The following SLC22A7 variants were observed in gnomAD, a reference collection of about 807,000 sequenced individuals.
SLC22A7 encodes the protein hOAT2.
SLC22A7 carries 48 observed loss-of-function variants against 62.2 expected under a neutral mutation model. That is an observed-to-expected ratio of 0.77 (90% CI 0.61 to 0.98). The LOEUF (loss-of-function observed/expected upper bound fraction) is 0.98, where lower values mean the gene tolerates loss of function less well. Among genes scored for constraint, SLC22A7 ranks in the 50% least tolerant of loss-of-function variants. The pLI is 0.00. For missense variants in SLC22A7, 581 were observed against 703.8 expected (o/e 0.83, Z 1.97); for synonymous variants, 276 against 314.8 (o/e 0.88, Z 1.30).
intron 5 of SLC22A7, chr6:43,300,282 C>G (rs1335590254): frequency 1.7e-5 from 10 of 602,086 alleles, no homozygotes; most frequent in Non-Finnish European, 2.9e-5. Context: ...GAACAAGATA[C>G]AGAGAGTCAG....
intron 10 of SLC22A7, 64 bp downstream of exon 10, chr6:43,304,308 T>C (rs1778865407): frequency 2.3e-6 from 3 of 1,326,748 alleles, no homozygotes; most frequent in Non-Finnish European, 3.0e-6. Context: ...GGTGCTCAGA[T>C]ACCTGACACC....
Position 43,301,709 on chromosome 6 carries a change from G to A in SLC22A7, c.1061+17G>A. On this transcript the variant is annotated intron_variant, in intron 7 of 10. Coordinates refer to ENST00000372585, the MANE Select transcript of SLC22A7 (RefSeq NM_153320.2). The stretch of plus-strand genomic sequence containing the variant: ...GGTGGTGTGGTGAGGAGGCTGGCTT[G>A]GGTCTGGCATGGGTGTGGTGGGAGG... The A allele has an allele frequency of 6.3e-7, 1 of 1,592,240 alleles. No individual in the cohort carries two copies.
At chr6:43,301,831 G>C (rs965982106) in intron 7 of SLC22A7, 139 bp downstream of exon 7, 1 of 637,054 alleles carries the variant, frequency 1.6e-6, no homozygotes, top group Non-Finnish European at 2.7e-6. Context: ...CTCCATGGGC[G>C]ATCTGCCTGG....
chr6:43,304,703 C>T lies in SLC22A7; in HGVS notation c.1625C>T (p.Pro542Leu), dbSNP rs369685026. Residue 542 changes from proline to leucine, a missense_variant, in exon 11 of 11, where the codon CCC becomes CTC. Transcript: ENST00000372585. Reference protein sequence around the residue: ...APTSLQEEEMPMKQVQN With the variant: ...APTSLQEEEMLMKQVQN ...ACCAGTCTTCAGGAGGAAGAGATGC[C>T]CATGAAGCAGGTCCAGAACTAAGTG... is the stretch of plus-strand genomic sequence containing the variant. The T allele has an allele frequency of 1.9e-5, 31 of 1,595,130 alleles. No individual in the cohort carries two copies. Among genetic ancestry groups the T allele is most frequent in the Non-Finnish European group, 2.7e-5 (31 of 1,167,832 alleles).
chr6:43,301,873 C>T (rs575164428), intron 7 of SLC22A7, among the ~76,000 whole-genome samples, 181 bp downstream of exon 7: 2 of 152,142 alleles, frequency 1.3e-5, no homozygotes, highest in Non-Finnish European at 2.9e-5. Flanking sequence ...GTAGCAGAGA[C>T]ACATGGGTTC....
In SLC22A7 at chr6:43,300,021, TGCTA is replaced by T. The variant is rs1188841982; in HGVS notation, c.786_789del (p.Ala263SerfsTer23). 2.5e-6 allele frequency: 4 copies of T among 1,614,156 alleles called. No individual in the cohort carries two copies. Among genetic ancestry groups the T allele is most frequent in the Non-Finnish European group, 3.4e-6 (4 of 1,180,018 alleles). ...CTGATACGGGACTGGCGATGGCTTC[TGCTA>T]GCTGTCACCCTGCCTTGTGCCCCAG... On this transcript the variant is annotated frameshift_variant, in exon 5 of 11. Transcript: ENST00000372585. LOFTEE classifies it high-confidence loss of function.
upstream of SLC22A7, among the ~76,000 whole-genome samples, chr6:43,296,629 G>A (rs1004719366): frequency 6.6e-6 from 1 of 152,224 alleles, no homozygotes; most frequent in Non-Finnish European, 1.5e-5. Flanking sequence ...TCCACTTGGT[G>A]AATGAGGAGG....
chr6:43,302,138 G>A lies in SLC22A7; in HGVS notation c.1062-62G>A. 7.0e-7 allele frequency: 1 copy of A among 1,426,016 alleles called. No individual in the cohort carries two copies. The highest frequency in any genetic ancestry group is 9.6e-7 in the Non-Finnish European group (1 of 1,046,506). 88.3% of individuals were successfully genotyped at this position (1,426,016 alleles called of 1,614,324 possible). A position where few individuals can be genotyped will look rare whatever the true frequency, so the allele number is the denominator to read the frequency against. The stretch of plus-strand genomic sequence containing the variant: ...CTTGTAAAATGCCAAGTCTTCCTGA[G>A]AAGAGAGGCCAAAGAGGGATGGGAA... On this transcript the variant is annotated intron_variant, in intron 7 of 10. Coordinates refer to ENST00000372585, the MANE Select transcript of SLC22A7 (RefSeq NM_153320.2). This position sits in a 1 kb window ranked among gnomAD's most constrained non-coding sequence, Gnocchi z 5.0.
chr6:43,301,116 A>G lies in SLC22A7; in HGVS notation c.828-19A>G. ...AGGGTCATGACTTTCTGGCTGATGGACCTTCTGCCTATTCCTAGGTGGGTG... is the reference window on the plus strand; with the variant it reads ...AGGGTCATGACTTTCTGGCTGATGGGCCTTCTGCCTATTCCTAGGTGGGTG... On this transcript the variant is annotated intron_variant, in intron 5 of 10. Transcript: ENST00000372585. The G allele has an allele frequency of 6.8e-6, 11 of 1,613,944 alleles. No individual in the cohort carries two copies. The highest frequency in any genetic ancestry group is 9.3e-6 in the Non-Finnish European group (11 of 1,179,936).
chr6:43,298,966 G>T (rs907804759), intron 1 of SLC22A7, 126 bp from the exon 2 acceptor site: 6 of 1,151,304 alleles, frequency 5.2e-6, no homozygotes, highest in Non-Finnish European at 6.2e-6. Flanking sequence ...TTAATTGGGA[G>T]GTGATTAAGG....
Position 43,300,044 on chromosome 6 carries a change from GC to G in SLC22A7, c.809del (p.Pro270GlnfsTer17). ...WLLLAVTLPC[A>X]PGILSLWWVP... ...TCTGCTAGCTGTCACCCTGCCTTGT[GC>G]CCCAGGCATCCTCAGCCTCTGGTGA... On this transcript the variant is annotated frameshift_variant, in exon 5 of 11. Coordinates refer to ENST00000372585, the MANE Select transcript of SLC22A7 (RefSeq NM_153320.2). LOFTEE classifies it high-confidence loss of function. The G allele has an allele frequency of 6.2e-7, 1 of 1,614,070 alleles. No homozygotes were observed.
chr6:43,303,981 A>C (rs1330138017), intron 9 of SLC22A7, 57 bp from the exon 10 acceptor site: 2 of 1,377,712 alleles, frequency 1.5e-6, no homozygotes, highest in Non-Finnish European at 1.9e-6. Flanking sequence ...CCTGTGGGGC[A>C]TGACTCCAGG....
Position 43,298,354 on chromosome 6 carries a change from G to A in SLC22A7, c.-5G>A, listed in dbSNP as rs779261983. On this transcript the variant is annotated 5_prime_UTR_variant, in exon 1 of 11. Coordinates refer to ENST00000372585, the MANE Select transcript of SLC22A7 (RefSeq NM_153320.2). ...TGCACCTGAAGCATTTGGTGGGTGA[G>A]CAGCATGGGCTTTGAGGAGCTGCTG... 1.2e-6 allele frequency: 2 copies of A among 1,605,486 alleles called. No individual in the cohort carries two copies. The highest frequency in any genetic ancestry group is 1.7e-6 in the Non-Finnish European group (2 of 1,174,912).
Position 43,301,220 on chromosome 6 carries a change from A to G in SLC22A7, c.913A>G (p.Asn305Asp). ...GTACTTGCTCCACTGTGCCAGGCTCAATGGGCGGCCAGTGTGTGAGGACAG... is the reference window on the plus strand; with the variant it reads ...GTACTTGCTCCACTGTGCCAGGCTCGATGGGCGGCCAGTGTGTGAGGACAG... ...HRYLLHCARL[N>D]GRPVCEDSFS... Residue 305 changes from asparagine to aspartate, a missense_variant, in exon 6 of 11, where the codon AAT becomes GAT. Asn to Asp is a conservative substitution (Grantham distance 23). Transcript: ENST00000372585. The G allele has an allele frequency of 6.2e-7, 1 of 1,614,192 alleles. No individual in the cohort carries two copies. Among genetic ancestry groups the G allele is most frequent in the South Asian group, 1.1e-5 (1 of 91,086 alleles).
rs1778731528 is a variant in SLC22A7 at position 43,301,195 on chromosome 6, G to A, written c.888G>A (p.Arg296=). ...AAGGCCATGTGAAAGAGGCCCACAG[G>A]TACTTGCTCCACTGTGCCAGGCTCA... The part of the protein sequence containing the change: ...LTQGHVKEAH[R]YLLHCARLNG... The change falls in exon 6 of 11, where the codon AGG becomes AGA. Residue 296 remains arginine (R), a synonymous_variant. Coordinates refer to ENST00000372585, the MANE Select transcript of SLC22A7 (RefSeq NM_153320.2). The A allele has an allele frequency of 6.2e-7, 1 of 1,614,244 alleles. No homozygotes were observed.
In SLC22A7 at chr6:43,301,214, A is replaced by C. The variant is rs1275529847; in HGVS notation, c.907A>C (p.Arg303=). The C allele has an allele frequency of 6.2e-7, 1 of 1,614,212 alleles. No homozygotes were observed. Among genetic ancestry groups the C allele is most frequent in the East Asian group, 2.2e-5 (1 of 44,890 alleles). Reference sequence around the variant, plus strand: ...CCACAGGTACTTGCTCCACTGTGCCAGGCTCAATGGGCGGCCAGTGTGTGA... The same window carrying C: ...CCACAGGTACTTGCTCCACTGTGCCCGGCTCAATGGGCGGCCAGTGTGTGA... The part of the protein sequence containing the change: ...EAHRYLLHCA[R]LNGRPVCEDS... The change falls in exon 6 of 11, where the codon AGG becomes CGG. Residue 303 remains arginine, a synonymous_variant. Coordinates refer to ENST00000372585, the MANE Select transcript of SLC22A7 (RefSeq NM_153320.2).
In SLC22A7 at chr6:43,299,875, TC is replaced by T; in HGVS notation, c.659-21del. On this transcript the variant is annotated intron_variant, in intron 4 of 10. Coordinates refer to ENST00000372585, the MANE Select transcript of SLC22A7 (RefSeq NM_153320.2). The surrounding 1 kb of genome is among the most constrained non-coding windows in gnomAD (Gnocchi z 4.4). Reference sequence around the variant, plus strand: ...CCCATCTGGTCCTCACTAACCATCTTCCTGTCTCCTGTCCTGGCCCAGAGCT... The same window carrying T: ...CCCATCTGGTCCTCACTAACCATCTTCTGTCTCCTGTCCTGGCCCAGAGCT... 1 of 1,614,138 alleles carries T rather than the reference TC, an allele frequency of 6.2e-7. No individual in the cohort carries two copies. Among genetic ancestry groups the T allele is most frequent in the Non-Finnish European group, 8.5e-7 (1 of 1,180,014 alleles).
chr6:43,303,073 T>C (rs1186026825), intron 9 of SLC22A7: 21 of 971,804 alleles, frequency 2.2e-5, no homozygotes, highest in Non-Finnish European at 2.4e-5. Flanking sequence ...GGGCCCTCTG[T>C]GTTTGCCCTA....
chr6:43,299,621 T>C lies in SLC22A7; in HGVS notation c.504-6T>C. 6.2e-7 allele frequency: 1 copy of C among 1,614,156 alleles called. No individual in the cohort carries two copies. The highest frequency in any genetic ancestry group is 1.1e-5 in the South Asian group (1 of 91,080). The stretch of plus-strand genomic sequence containing the variant: ...AGGGAACTGACCCTGCATGACCCCT[T>C]TGCAGGTTTGGGCGGCGGCGTCTGC... On this transcript the variant is annotated splice_region_variant and splice_polypyrimidine_tract_variant and intron_variant, in intron 3 of 10. Transcript: ENST00000372585. This position sits in a 1 kb window ranked among gnomAD's most constrained non-coding sequence, Gnocchi z 4.4.
Sources: allele counts gnomAD v4.1 joint callset (sites outside exome capture counted in the v4.1 genomes callset), GRCh38; gene constraint gnomAD v4.1.1; non-coding constraint Gnocchi (gnomAD v3.1); transcripts MANE v1.5; gene names NCBI Gene and HGNC (gene_info 2026-07-23, HGNC 2026-07-21).